The following FSTL5 variants were observed in gnomAD, a reference collection of about 807,000 sequenced individuals.
The protein encoded by FSTL5 is follistatin-related protein 5.
A neutral mutation model predicts 89.1 loss-of-function variants in FSTL5; 62 were observed. The ratio of observed to expected loss-of-function variants is 0.70; its 90% CI spans 0.57 to 0.86. The LOEUF (loss-of-function observed/expected upper bound fraction) is 0.86. FSTL5 is among the 40% of genes least tolerant of loss of function. The pLI is 0.00. For synonymous variants in FSTL5, 383 were observed against 346.2 expected, an observed-to-expected ratio of 1.11 and a Z score of -1.18; for missense variants, 1,057 against 1,001.6, an observed-to-expected ratio of 1.06 and a Z score of -0.75.
intron 4 of FSTL5, among the ~76,000 whole-genome samples, chr4:161,796,835 A>C (rs938268253): frequency 3.3e-5 from 5 of 151,516 alleles, no homozygotes; most frequent in Admixed American, 3.3e-4. Context: ...TCATGAAATT[A>C]TTATCTTACT....
chr4:162,000,461 G>C (rs1231851534), intron 3 of FSTL5, among the ~76,000 whole-genome samples: 1 of 151,818 alleles, frequency 6.6e-6, no homozygotes, highest in African/African-American at 2.4e-5. Context: ...AGCCGGGCGT[G>C]GTGGCAGGCG....
intron 1 of FSTL5, among the ~76,000 whole-genome samples, chr4:162,152,868 A>AG (rs1361087665): frequency 7.2e-6 from 1 of 139,218 alleles, no homozygotes; most frequent in East Asian, 2.1e-4. Flanking sequence ...AAAACTGGAA[A>AG]GAAAAAAAAA....
chr4:161,390,441 T>C (rs892410681), intron 15 of FSTL5, among the ~76,000 whole-genome samples: 4 of 152,104 alleles, frequency 2.6e-5, no homozygotes, highest in Non-Finnish European at 5.9e-5. Flanking sequence ...CCACAAAGCC[T>C]GATAGAGTCA....
At chr4:162,129,129 C>T (rs959538452) in intron 1 of FSTL5, among the ~76,000 whole-genome samples, 17 of 152,254 alleles carry the variant, frequency 1.1e-4, no homozygotes, top group African/African-American at 1.7e-4. Flanking sequence ...GACAGGGTTT[C>T]GCCATGTTGA....
chr4:161,965,424 G>C (rs1735294947), intron 3 of FSTL5, among the ~76,000 whole-genome samples: 1 of 152,030 alleles, frequency 6.6e-6, no homozygotes, highest in Admixed American at 6.6e-5. Flanking sequence ...CTAGAGAAAG[G>C]GTGACAATTG....
chr4:161,998,206 C>A lies in FSTL5; in HGVS notation c.160+35419G>T, dbSNP rs541001074. Among the ~76,000 whole-genome samples, 9 of 152,258 alleles carry A rather than the reference C, an allele frequency of 5.9e-5. No homozygotes were observed. The South Asian group carries it at 1.9e-3, about 32-fold the overall frequency. On this transcript the variant is annotated intron_variant, in intron 3 of 15. Coordinates refer to ENST00000306100, the MANE Select transcript of FSTL5 (RefSeq NM_020116.5). ...TTGACTAAACTTTAAAGAGTTTTTT[C>A]ACCTAATTGTATACCCCCTGACTTT...
intron 4 of FSTL5, among the ~76,000 whole-genome samples, chr4:161,795,526 A>G (rs1729607369): frequency 6.6e-6 from 1 of 152,096 alleles, no homozygotes; most frequent in Non-Finnish European, 1.5e-5. Context: ...GATTGTATAT[A>G]TTTAATGTGT....
intron 8 of FSTL5, among the ~76,000 whole-genome samples, chr4:161,565,311 C>G (rs1036678166): frequency 2.0e-5 from 3 of 151,634 alleles, no homozygotes; most frequent in African/African-American, 7.3e-5. Context: ...GTTTGACTGG[C>G]ATTAAATTCT....
chr4:161,662,492 T>C (rs1328090451), intron 6 of FSTL5, among the ~76,000 whole-genome samples: 1 of 152,094 alleles, frequency 6.6e-6, no homozygotes, highest in African/African-American at 2.4e-5. Context: ...GTAAAAGCTA[T>C]ACTAACTGAA....
intron 4 of FSTL5, among the ~76,000 whole-genome samples, chr4:161,897,935 T>C (rs1728339125): frequency 6.6e-6 from 1 of 151,862 alleles, no homozygotes. Context: ...ACTGTCTCAA[T>C]ACTTTTGCCT....
Position 161,733,321 on chromosome 4 carries a change from T to C in FSTL5, c.727+26090A>G, listed in dbSNP as rs375405790. 3.1e-4 allele frequency among the ~76,000 whole-genome samples: 47 copies of C among 152,190 alleles called. 1 individual carries two copies. Among genetic ancestry groups the C allele is most frequent in the African/African-American group, 1.1e-3 (47 of 41,582 alleles). On this transcript the variant is annotated intron_variant, in intron 6 of 15. Transcript: ENST00000306100. ...TTTGTTGACAGTTTATAGAAATCAA[T>C]TGATGTTTGTATTGACATTATATTC...
At chr4:161,457,723 G>T (rs1733410283) in intron 14 of FSTL5, among the ~76,000 whole-genome samples, 1 of 151,772 alleles carries the variant, frequency 6.6e-6, no homozygotes, top group Admixed American at 6.6e-5. Flanking sequence ...TAATTTATAA[G>T]AATATTTTCT....
intron 6 of FSTL5, among the ~76,000 whole-genome samples, chr4:161,740,105 C>T (rs764392938): frequency 2.0e-5 from 3 of 151,834 alleles, no homozygotes; most frequent in South Asian, 2.1e-4. Context: ...CTGCAACCTC[C>T]GCCTCCCGGG....
At chr4:161,513,268 A>AGG (rs1433950662) in intron 10 of FSTL5, among the ~76,000 whole-genome samples, 9 of 98,634 alleles carry the variant, frequency 9.1e-5, no homozygotes, top group African/African-American at 2.6e-4. Flanking sequence ...CCAAACAAGG[A>AGG]GGGGGAGAGA....
chr4:161,452,646 TAA>T lies in FSTL5; in HGVS notation c.1841+2356_1841+2357del, dbSNP rs1388905474. 8.4e-3 allele frequency among the ~76,000 whole-genome samples: 1,276 copies of T among 152,306 alleles called. 16 individuals are homozygous for T. Among genetic ancestry groups the T allele is most frequent in the African/African-American group, 0.03 (1,232 of 41,562 alleles). Reference sequence around the variant, plus strand: ...TTTTTACTTCTCGCATTCACGGTAGTAAAATGAGTAATTACTTTGAACTGCAC... The same window carrying T: ...TTTTTACTTCTCGCATTCACGGTAGTAATGAGTAATTACTTTGAACTGCAC... On this transcript the variant is annotated intron_variant, in intron 15 of 15. Transcript: ENST00000306100.
At chr4:161,833,658 T>A (rs1334830739) in intron 4 of FSTL5, among the ~76,000 whole-genome samples, 2 of 152,082 alleles carry the variant, frequency 1.3e-5, no homozygotes, top group Admixed American at 6.6e-5. Context: ...TCTCTTTTGA[T>A]CTTTGTTGGT....
intron 6 of FSTL5, among the ~76,000 whole-genome samples, chr4:161,746,220 A>G (rs950829309): frequency 1.3e-5 from 2 of 152,146 alleles, no homozygotes; most frequent in African/African-American, 4.8e-5. Context: ...AAATTTGTTG[A>G]CAGGATTATT....
chr4:161,786,270 A>T (rs534159759), intron 4 of FSTL5, among the ~76,000 whole-genome samples: 18 of 152,070 alleles, frequency 1.2e-4, no homozygotes, highest in Non-Finnish European at 2.5e-4. Flanking sequence ...TAGTGGGTTA[A>T]TATATAAAAC....
chr4:161,978,455 AT>A (rs1735725790), intron 3 of FSTL5, among the ~76,000 whole-genome samples: 1 of 152,136 alleles, frequency 6.6e-6, no homozygotes, highest in Non-Finnish European at 1.5e-5. Context: ...TTTATGAAAA[AT>A]ACGTCACTCA....
Sources: allele counts gnomAD v4.1 joint callset (sites outside exome capture counted in the v4.1 genomes callset), GRCh38; gene constraint gnomAD v4.1.1; transcripts MANE v1.5; gene names NCBI Gene and HGNC (gene_info 2026-07-23, HGNC 2026-07-21).